FAT1: variants seen among roughly 807,000 people sequenced by gnomAD.
The protein encoded by FAT1 is FAT atypical cadherin 1.
FAT1 carries 171 observed loss-of-function variants against 329.8 expected under a neutral mutation model. The ratio of observed to expected loss-of-function variants is 0.52; its 90% CI spans 0.46 to 0.59. The LOEUF (loss-of-function observed/expected upper bound fraction) is 0.59. Among genes scored for constraint, FAT1 ranks in the 20% least tolerant of loss-of-function variants. The pLI is 0.00. For missense variants in FAT1, 5,672 were observed against 5,774.4 expected, an observed-to-expected ratio of 0.98 and a Z score of 0.57; for synonymous variants, 2,233 against 2,228.6, an observed-to-expected ratio of 1.00 and a Z score of -0.06.
In FAT1 at chr4:186,621,403, T is replaced by C. The variant is rs374033539; in HGVS notation, c.5183A>G (p.Glu1728Gly). 8.7e-6 allele frequency: 14 copies of C among 1,613,918 alleles called. No individual in the cohort carries two copies. The highest frequency in any genetic ancestry group is 2.7e-5 in the African/African-American group (2 of 74,948). Reference sequence around the variant, plus strand: ...TATCAATGTGTAAATGGGCAAAGTTTCAAAGTCCAGGGCTTTCTGAGTGAT... The same window carrying C: ...TATCAATGTGTAAATGGGCAAAGTTCCAAAGTCCAGGGCTTTCTGAGTGAT... ...TIITQKALDF[E>G]TLPIYTLIIQ... Residue 1728 changes from glutamate to glycine, a missense_variant, in exon 10 of 27, where the codon GAA becomes GGA. By Grantham distance (98) the Glu-to-Gly change is moderately conservative (BLOSUM62 -2). Transcript: ENST00000441802.
rs769348689 is a variant in FAT1, at chr4:186,620,721, G to C, written c.5865C>G (p.Ser1955=). 1.2e-6 allele frequency: 2 copies of C among 1,613,970 alleles called. No homozygotes were observed. The highest frequency in any genetic ancestry group is 1.7e-6 in the Non-Finnish European group (2 of 1,179,900). The stretch of plus-strand genomic sequence containing the variant: ...AGGTAAGGCCGGCAAATCTGCCATC[G>C]GAAGCTCTAACGGTTAGCTCGTAGC... The part of the protein sequence containing the change: ...RSRYELTVRA[S]DGRFAGLTSV... The change falls in exon 10 of 27, where the codon TCC becomes TCG. Residue 1955 remains serine (S), a synonymous_variant. Coordinates refer to ENST00000441802, the MANE Select transcript of FAT1 (RefSeq NM_005245.4).
chr4:186,642,570 A>ATTTGTTAT (rs1441523886), intron 3 of FAT1, among the ~76,000 whole-genome samples: 1 of 152,234 alleles, frequency 6.6e-6, no homozygotes, highest in South Asian at 2.1e-4. Flanking sequence ...CCCATAAGTG[A>ATTTGTTAT]GCCAACAGAG....
intron 2 of FAT1, among the ~76,000 whole-genome samples, chr4:186,675,305 G>GA (rs34225137): frequency 1.7e-3 from 240 of 143,368 alleles, no homozygotes; most frequent in Admixed American, 1.9e-3. Context: ...ATCTCATTAA[G>GA]AAAAAAAAAA....
chr4:186,621,897 G>A (rs533007706), intron 9 of FAT1, 122 bp from the exon 10 acceptor site: 2 of 621,062 alleles, frequency 3.2e-6, no homozygotes, highest in South Asian at 5.3e-5. Context: ...AGAAACTCAG[G>A]GGATGTCAAT....
rs1479500784 is a variant in FAT1, at chr4:186,611,732, A to C, written c.9507T>G (p.Asp3169Glu). 5.0e-6 allele frequency: 8 copies of C among 1,588,304 alleles called. No homozygotes were observed. The highest frequency in any genetic ancestry group is 6.9e-6 in the Non-Finnish European group (8 of 1,166,158). The change falls in exon 14 of 27, where the codon GAT (aspartate) becomes GAG (glutamate). Residue 3169 changes from aspartate (D) to glutamate (E), a missense_variant. Asp to Glu is a conservative substitution (Grantham distance 45). Transcript: ENST00000441802. ...KILYSLIDSA[D>E]GQFSINELSG... ...ATAATTCGTTAATGGAGAACTGCCC[A>C]TCAGCAGAGTCAATCAGTGAGTATA...
At position 186,660,726 on chromosome 4, in the gene FAT1, G is replaced by C. The variant is rs1466646085; in HGVS notation, c.3580+2573C>G. Among the ~76,000 whole-genome samples, 5 of 152,198 alleles carry C rather than the reference G, an allele frequency of 3.3e-5. No individual in the cohort carries two copies. In the East Asian group the frequency reaches 9.6e-4, roughly 29 times the overall value. On this transcript the variant is annotated intron_variant, in intron 3 of 26. Transcript: ENST00000441802. ...TTTTCTTTAGAGTTGTCAGAATAGAGAGATTTAAAAGGGAGAGGCAATGCC... is the reference window on the plus strand; with the variant it reads ...TTTTCTTTAGAGTTGTCAGAATAGACAGATTTAAAAGGGAGAGGCAATGCC...
intron 24 of FAT1, 149 bp downstream of exon 24, chr4:186,597,533 G>A (rs1738590438): frequency 3.1e-6 from 2 of 636,216 alleles, no homozygotes; most frequent in South Asian, 4.1e-5. Context: ...TTTAAAGAGT[G>A]AAAAGATTAT....
Position 186,620,893 on chromosome 4 carries a change from A to G in FAT1, c.5693T>C (p.Val1898Ala), listed in dbSNP as rs1740009686. 1 of 1,613,964 alleles carries G rather than the reference A, an allele frequency of 6.2e-7. No individual in the cohort carries two copies. The highest frequency in any genetic ancestry group is 2.2e-5 in the East Asian group (1 of 44,874). The change falls in exon 10 of 27, where the codon GTC becomes GCC. Residue 1898 changes from valine to alanine, a missense_variant. Physicochemically the swap from Val to Ala is moderately conservative, Grantham distance 64. Around this residue, in one of 2 missense-constraint regions of FAT1, gnomAD observed 3,966 missense variants for 3,915.2 expected, o/e 1.01. Coordinates refer to ENST00000441802, the MANE Select transcript of FAT1 (RefSeq NM_005245.4). ...AGCATCTGTAGCATTTACTGTGATG[A>G]CTTTTACTCCTTTGTATGTTGGTAA... The part of the protein sequence containing the change: ...LLLPTYKGVK[V>A]ITVNATDADS...
Position 186,624,394 on chromosome 4 carries a change from C to G in FAT1, c.4811-2619G>C, listed in dbSNP as rs147217870. Among the ~76,000 whole-genome samples the G allele has an allele frequency of 1.3e-3, 197 of 152,220 alleles. 2 individuals carry two copies. In the East Asian group the frequency reaches 0.034, roughly 26 times the overall value. On this transcript the variant is annotated intron_variant, in intron 9 of 26. Coordinates refer to ENST00000441802, the MANE Select transcript of FAT1 (RefSeq NM_005245.4). ...GCCCCACTGACTGGCAGAGTGGCAC[C>G]CTCCGTTGACTCTCAAGGCAATTAC... is the stretch of plus-strand genomic sequence containing the variant.
Position 186,709,390 on chromosome 4 carries a change from T to C in FAT1, c.438A>G (p.Arg146=), listed in dbSNP as rs2126703832. ...TGTATGAGGTGGGTGAGAATAACGG[T>C]CTCAAGTCATTTGTATCCAGCACCT... ...RVQVLDTNDL[R]PLFSPTSYSV... is the part of the protein sequence containing the mutation. The change falls in exon 2 of 27, where the codon AGA becomes AGG. Residue 146 remains arginine (R), a synonymous_variant. Coordinates refer to ENST00000441802, the MANE Select transcript of FAT1 (RefSeq NM_005245.4). 6.2e-7 allele frequency: 1 copy of C among 1,613,962 alleles called. No individual in the cohort carries two copies. Among genetic ancestry groups the C allele is most frequent in the African/African-American group, 1.3e-5 (1 of 75,030 alleles).
At position 186,597,130 on chromosome 4, in the gene FAT1, A is replaced by G. The variant is rs1738569121; in HGVS notation, c.12410T>C (p.Leu4137Pro). Reference protein sequence around the residue: ...DIDECSGNPCLHGALCENTHG... With the variant: ...DIDECSGNPCPHGALCENTHG... ...CGTGTTCTCACAGAGGGCCCCGTGC[A>G]GGCAAGGGTTTCCAGAGCACTCGTC... Residue 4137 changes from leucine (L) to proline (P), a missense_variant, in exon 25 of 27, where the codon CTG (leucine) becomes CCG (proline). By Grantham distance (98) the Leu-to-Pro change is moderately conservative (BLOSUM62 -3). Transcript: ENST00000441802. 2 of 1,613,580 alleles carry G rather than the reference A, an allele frequency of 1.2e-6. No homozygotes were observed. The highest frequency in any genetic ancestry group is 1.7e-6 in the Non-Finnish European group (2 of 1,179,688).
intron 2 of FAT1, among the ~76,000 whole-genome samples, chr4:186,700,551 G>A (rs78463023): frequency 0.012 from 1,884 of 152,232 alleles, 42 homozygotes; most frequent in African/African-American, 0.044. Context: ...ACCAAGCATC[G>A]AATCTAGGAT....
At chr4:186,637,840 T>C (rs1740906084) in intron 4 of FAT1, among the ~76,000 whole-genome samples, 1 of 152,254 alleles carries the variant, frequency 6.6e-6, no homozygotes, top group South Asian at 2.1e-4. Flanking sequence ...TATTAAAGTG[T>C]GACTATATCC....
rs753725504 is a variant in FAT1, at chr4:186,619,926, G to A, written c.6660C>T (p.Asp2220=). The A allele has an allele frequency of 3.3e-5, 54 of 1,613,832 alleles. No individual in the cohort carries two copies. The Admixed American group carries it at 3.7e-4, about 11-fold the overall frequency. Residue 2220 remains aspartate (D), a synonymous_variant, in exon 10 of 27, where the codon GAC becomes GAT. Coordinates refer to ENST00000441802, the MANE Select transcript of FAT1 (RefSeq NM_005245.4). ...TAGTGAACTGGCTGAAAGGGTCTCC[G>A]TCTGTGATGCTGTAGAACACTTTCA... ...EGLKVFYSIT[D]GDPFSQFTIN... is the part of the protein sequence containing the mutation.
In FAT1 at chr4:186,709,360, A is replaced by G. The variant is rs1445420250; in HGVS notation, c.468T>C (p.Val156=). ...TTATAGCTGTGTTTTCAGGTAAAGA[A>G]ACGCTGTATGAGGTGGGTGAGAATA... The part of the protein sequence containing the change: ...RPLFSPTSYS[V]SLPENTAIRT... The change falls in exon 2 of 27, where the codon GTT becomes GTC. Residue 156 remains valine, a synonymous_variant. Transcript: ENST00000441802. The G allele has an allele frequency of 6.2e-7, 1 of 1,613,848 alleles. No homozygotes were observed. Among genetic ancestry groups the G allele is most frequent in the Non-Finnish European group, 8.5e-7 (1 of 1,179,904 alleles).
At chr4:186,700,022 C>T (rs1465922937) in intron 2 of FAT1, among the ~76,000 whole-genome samples, 1 of 152,156 alleles carries the variant, frequency 6.6e-6, no homozygotes, top group African/African-American at 2.4e-5. Flanking sequence ...AAACAGTTCC[C>T]TGGCAAGGGG....
chr4:186,646,590 A>G (rs923179729), intron 3 of FAT1, among the ~76,000 whole-genome samples: 2 of 152,146 alleles, frequency 1.3e-5, no homozygotes, highest in African/African-American at 2.4e-5. Flanking sequence ...AGCATCTCCA[A>G]TTTCAAATGC....
At chr4:186,629,478 C>G (rs1289628625) in intron 7 of FAT1, among the ~76,000 whole-genome samples, 2 of 152,146 alleles carry the variant, frequency 1.3e-5, no homozygotes, top group Non-Finnish European at 2.9e-5. Flanking sequence ...ACAAACAAAA[C>G]TTTGACAGTA....
chr4:186,604,538 C>A lies in FAT1; in HGVS notation c.10387G>T (p.Val3463Leu), dbSNP rs1254358250. 9 of 1,612,984 alleles carry A rather than the reference C, an allele frequency of 5.6e-6. No homozygotes were observed. The highest frequency in any genetic ancestry group is 7.6e-6 in the Non-Finnish European group (9 of 1,179,446). Residue 3463 changes from valine (V) to leucine (L), a missense_variant, in exon 18 of 27, where the codon GTA becomes TTA. Around this residue, in one of 2 missense-constraint regions of FAT1, gnomAD observed 1,706 missense variants for 1,859.1 expected, o/e 0.92. Transcript: ENST00000441802. ...KPVGFSVLQL[V>L]VTDEDSSHNG... is the part of the protein sequence containing the mutation. ...TGGGAAGAATCCTCATCTGTTACTA[C>A]CAGCTGCAGCACGCTGAAGCCCACT...
Sources: gnomAD v4.1 joint callset for allele counts (sites outside exome capture counted in the v4.1 genomes callset) on GRCh38, gnomAD v4.1.1 for gene constraint, gnomAD v4.1.1 regional missense constraint, MANE v1.5 for transcripts, NCBI Gene and HGNC (gene_info 2026-07-23, HGNC 2026-07-21) for gene names.